The following LZTS1 variants were observed in gnomAD, a reference collection of about 807,000 sequenced individuals.
LZTS1 encodes leucine zipper putative tumor suppressor 1.
Under a neutral mutation model 45.8 loss-of-function variants are expected in LZTS1, and 31 were observed. That is an observed-to-expected ratio of 0.68 (90% confidence interval 0.51 to 0.91). The LOEUF is 0.91. LZTS1 is among the 40% of genes least tolerant of loss of function. The probability of loss-of-function intolerance (pLI) is 0.00; values close to 1 mark genes in which losing one functional copy is unlikely to be tolerated. For synonymous variants in LZTS1, 359 were observed against 357.3 expected, an observed-to-expected ratio of 1.00 and a Z score of -0.05; for missense variants, 821 against 788.9, an observed-to-expected ratio of 1.04 and a Z score of -0.49.
chr8:20,298,502 T>G (rs2128899937), intron 1 of LZTS1, among the ~76,000 whole-genome samples: 1 of 152,032 alleles, frequency 6.6e-6, no homozygotes, highest in East Asian at 1.9e-4. Flanking sequence ...CCTGTACAAG[T>G]AAAAAGCGCT....
chr8:20,287,092 A>G (rs1378859433), intron 1 of LZTS1, among the ~76,000 whole-genome samples: 3 of 152,228 alleles, frequency 2.0e-5, no homozygotes, highest in Non-Finnish European at 4.4e-5. Flanking sequence ...ATTGATTTTA[A>G]AAGATTATCA....
intron 1 of LZTS1, among the ~76,000 whole-genome samples, chr8:20,281,914 G>C (rs1375025259): frequency 1.3e-5 from 2 of 152,198 alleles, no homozygotes; most frequent in African/African-American, 4.8e-5. Flanking sequence ...AGAGAAAAGA[G>C]TTGGTGGAAG....
intron 1 of LZTS1, among the ~76,000 whole-genome samples, chr8:20,291,671 C>A (rs1800903137): frequency 6.6e-6 from 1 of 151,002 alleles, no homozygotes; most frequent in Admixed American, 6.6e-5. Context: ...GCTGAGAGAC[C>A]TTTTGTCTCC....
Position 20,247,635 on chromosome 8 carries a change from G to A in LZTS1, c.*2087C>T, listed in dbSNP as rs532601747. Reference sequence around the variant, plus strand: ...TTCCAGAAAAGCTCCTCTGTCGTTTGAGGATGGCAGGATGGGCACCGTTTA... The same window carrying A: ...TTCCAGAAAAGCTCCTCTGTCGTTTAAGGATGGCAGGATGGGCACCGTTTA... On this transcript the variant is annotated 3_prime_UTR_variant, in exon 4 of 4. Coordinates refer to ENST00000381569, the MANE Select transcript of LZTS1 (RefSeq NM_021020.5). 3.9e-5 allele frequency: 6 copies of A among 152,486 alleles called. No individual in the cohort carries two copies. Among genetic ancestry groups the A allele is most frequent in the African/African-American group, 1.4e-4 (6 of 41,572 alleles). 9.4% of individuals were successfully genotyped at this position (152,486 alleles called of 1,614,324 possible).
At position 20,264,295 on chromosome 8, in the gene LZTS1, A is replaced by G. The variant is rs569901300; in HGVS notation, c.-134-8980T>C. Among the ~76,000 whole-genome samples, 5 of 152,046 alleles carry G rather than the reference A, an allele frequency of 3.3e-5. No homozygotes were observed. In the East Asian group the frequency reaches 9.7e-4, roughly 29 times the overall value. On this transcript the variant is annotated intron_variant, in intron 1 of 3. Transcript: ENST00000381569. ...CACCTCATTTCTTTTACTATTCCCT[A>G]CTTAGATGTTTCCATTCTGTTGCAA... is the stretch of plus-strand genomic sequence containing the variant.
chr8:20,264,539 GGGA>G (rs930549083), intron 1 of LZTS1, among the ~76,000 whole-genome samples: 1 of 152,150 alleles, frequency 6.6e-6, no homozygotes, highest in Non-Finnish European at 1.5e-5. Context: ...CCTGGGGGAG[GGGA>G]GGAGAAGTTG....
At chr8:20,266,420 TGTGACTTAAACTGAG>T (rs1800356314) in intron 1 of LZTS1, among the ~76,000 whole-genome samples, 1 of 152,180 alleles carries the variant, frequency 6.6e-6, no homozygotes. Flanking sequence ...TGGGAAGGCA[TGTGACTTAAACTGAG>T]GTCTCCACAT....
Position 20,253,090 on chromosome 8 carries a change from G to A in LZTS1, c.841C>T (p.Gln281Ter). ...LEREGALQKLQRSFEEKELAS... is the reference protein window; with the variant it reads ...LEREGALQKL ...AGCTCCTTCTCCTCAAAGCTGCGCT[G>A]CAGCTTCTGGAGGGCGCCCTCCCTC... Residue 281 changes from glutamine (Q) to a stop codon, truncating the protein, a stop_gained, in exon 3 of 4, where the codon CAG becomes TAG. Transcript: ENST00000381569. LOFTEE classifies it high-confidence loss of function. The A allele has an allele frequency of 6.2e-7, 1 of 1,610,142 alleles. No individual in the cohort carries two copies. The highest frequency in any genetic ancestry group is 8.5e-7 in the Non-Finnish European group (1 of 1,178,822).
At chr8:20,271,808 A>G (rs951097857) in intron 1 of LZTS1, among the ~76,000 whole-genome samples, 28 of 152,306 alleles carry the variant, frequency 1.8e-4, no homozygotes, top group African/African-American at 6.5e-4. Flanking sequence ...ATGCATTTCC[A>G]TTGCCTGTGG....
intron 1 of LZTS1, among the ~76,000 whole-genome samples, chr8:20,288,499 C>G (rs2128898455): frequency 6.6e-6 from 1 of 152,328 alleles, no homozygotes; most frequent in East Asian, 1.9e-4. Context: ...GTACGACACA[C>G]ACATGATCTG....
intron 1 of LZTS1, among the ~76,000 whole-genome samples, chr8:20,289,505 C>G (rs7017248): frequency 0.81 from 122,635 of 151,668 alleles, 49,794 homozygotes; most frequent in East Asian, 0.97. Flanking sequence ...ACAATTGGCC[C>G]CTGCCAGAAG....
intron 1 of LZTS1, among the ~76,000 whole-genome samples, chr8:20,301,234 G>A (rs1198562504): frequency 6.6e-6 from 1 of 151,884 alleles, no homozygotes; most frequent in Non-Finnish European, 1.5e-5. Flanking sequence ...AAAGGTAGCA[G>A]AATAACATGG....
chr8:20,260,967 G>C (rs1418289984), intron 1 of LZTS1, among the ~76,000 whole-genome samples: 1 of 152,178 alleles, frequency 6.6e-6, no homozygotes, highest in Admixed American at 6.5e-5. Flanking sequence ...AACTTGGAGA[G>C]AGCATTACAC....
chr8:20,290,715 A>G (rs1338546037), intron 1 of LZTS1, among the ~76,000 whole-genome samples: 2 of 152,206 alleles, frequency 1.3e-5, no homozygotes, highest in East Asian at 1.9e-4. Flanking sequence ...GAACTAAGAG[A>G]GAAGTTTCAT....
intron 3 of LZTS1, among the ~76,000 whole-genome samples, chr8:20,250,847 C>T (rs1197941521): frequency 6.6e-6 from 1 of 151,974 alleles, no homozygotes; most frequent in Non-Finnish European, 1.5e-5. Flanking sequence ...GCTCTGCCTG[C>T]CTCTGCCTCC....
At position 20,280,059 on chromosome 8, in the gene LZTS1, C is replaced by T. The variant is rs529239839; in HGVS notation, c.-135+23681G>A. Among the ~76,000 whole-genome samples, 80 of 152,120 alleles carry T rather than the reference C, an allele frequency of 5.3e-4. 1 individual carries two copies. The highest frequency in any genetic ancestry group is 1.8e-3 in the African/African-American group (76 of 41,512). On this transcript the variant is annotated intron_variant, in intron 1 of 3. Transcript: ENST00000381569. ...CCCAAGAAGTAGAATTGCTACTGACCGAGAAAAGAGGTGAAGGAGGCCTTA... is the reference window on the plus strand; with the variant it reads ...CCCAAGAAGTAGAATTGCTACTGACTGAGAAAAGAGGTGAAGGAGGCCTTA...
chr8:20,250,044 G>C lies in LZTS1; in HGVS notation c.1469C>G (p.Pro490Arg), dbSNP rs747904541. 12 of 1,609,252 alleles carry C rather than the reference G, an allele frequency of 7.5e-6. No individual in the cohort carries two copies. The South Asian group carries it at 1.3e-4, about 18-fold the overall frequency. ...AGGGACGTCCTCGGGGAAGGTGGGCGGCCCCATGTCGCGGGCCAGGGCGGC... is the reference window on the plus strand; with the variant it reads ...AGGGACGTCCTCGGGGAAGGTGGGCCGCCCCATGTCGCGGGCCAGGGCGGC... ...AQAALARDMGPPTFPEDVPAL... is the reference protein window; with the variant it reads ...AQAALARDMGRPTFPEDVPAL... The change falls in exon 4 of 4, where the codon CCG (proline) becomes CGG (arginine). Residue 490 changes from proline to arginine, a missense_variant. By Grantham distance (103) the Pro-to-Arg change is moderately radical (BLOSUM62 -2). Transcript: ENST00000381569.
Position 20,249,550 on chromosome 8 carries a change from G to C in LZTS1, c.*172C>G. ...TGGGCTGCAGGGCTGGTGAGCACTG[G>C]GACATCAGAGAGGGAAGGAAAGGCC... On this transcript the variant is annotated 3_prime_UTR_variant, in exon 4 of 4. Coordinates refer to ENST00000381569, the MANE Select transcript of LZTS1 (RefSeq NM_021020.5). 6 of 761,682 alleles carry C rather than the reference G, an allele frequency of 7.9e-6. No individual in the cohort carries two copies. The South Asian group carries it at 1.1e-4, about 14-fold the overall frequency. The allele number at this position is 761,682 out of a possible 1,614,324, so 47.2% of individuals were successfully genotyped here.
intron 1 of LZTS1, among the ~76,000 whole-genome samples, chr8:20,295,451 T>A (rs919411575): frequency 6.6e-6 from 1 of 152,140 alleles, no homozygotes; most frequent in African/African-American, 2.4e-5. Context: ...GGCCCTTGAG[T>A]GGCACAGAGA....
Sources: allele counts gnomAD v4.1 joint callset (sites outside exome capture counted in the v4.1 genomes callset), GRCh38; gene constraint gnomAD v4.1.1; transcripts MANE v1.5; gene names NCBI Gene and HGNC (gene_info 2026-07-23, HGNC 2026-07-21).